Variants in DNAH5 observed in about 807,000 individuals in gnomAD.
DNAH5 encodes the protein dynein axonemal heavy chain 5.
Under a neutral mutation model 518.2 loss-of-function variants are expected in DNAH5, and 372 were observed. The ratio of observed to expected loss-of-function variants is 0.72; its 90% CI spans 0.66 to 0.78. The LOEUF (loss-of-function observed/expected upper bound fraction) is 0.78. Among genes scored for constraint, DNAH5 ranks in the 30% least tolerant of loss-of-function variants. The pLI is 0.00. For synonymous variants in DNAH5, 2,039 were observed against 2,025.9 expected, an observed-to-expected ratio of 1.01 and a Z score of -0.17; for missense variants, 5,523 against 5,687.0, an observed-to-expected ratio of 0.97 and a Z score of 0.93.
At chr5:13,995,573 A>G (rs900587566) in intron 1 of DNAH5, among the ~76,000 whole-genome samples, 3 of 152,214 alleles carry the variant, frequency 2.0e-5, no homozygotes, top group Non-Finnish European at 2.9e-5. Context: ...ACTTAGAAAC[A>G]AAAAATAAAA....
intron 21 of DNAH5, 80 bp from the exon 22 acceptor site, chr5:13,876,897 T>A: frequency 7.0e-7 from 1 of 1,431,424 alleles, no homozygotes; most frequent in Non-Finnish European, 9.7e-7. Flanking sequence ...ATTTCTGTGA[T>A]AGTAAAGCAA....
At chr5:13,844,505 G>A (rs949179882) in intron 32 of DNAH5, among the ~76,000 whole-genome samples, 4 of 152,162 alleles carry the variant, frequency 2.6e-5, no homozygotes, top group South Asian at 2.1e-4. Context: ...GGGCAATTCC[G>A]TTTAGTTAAG....
chr5:13,880,400 A>G (rs1185894792), intron 21 of DNAH5, among the ~76,000 whole-genome samples: 2 of 152,104 alleles, frequency 1.3e-5, no homozygotes, highest in Non-Finnish European at 2.9e-5. Flanking sequence ...CAAATCCAAA[A>G]CACTCTAATA....
rs1168094952 is a variant in DNAH5 at position 13,777,354 on chromosome 5, A to G, written c.8953T>C (p.Ser2985Pro). ...TCCATCAGATTTGATGTGTTGTAGGATCTAAAGAAATATTTTCATTTTGTC... is the reference window on the plus strand; with the variant it reads ...TCCATCAGATTTGATGTGTTGTAGGGTCTAAAGAAATATTTTCATTTTGTC... ...YVSFQITLTRSYNTSNLMEDL... is the reference protein window; with the variant it reads ...YVSFQITLTRPYNTSNLMEDL... The change falls in exon 54 of 79, where the codon TCC (serine) becomes CCC (proline). Residue 2985 changes from serine to proline, a missense_variant and splice_region_variant. Transcript: ENST00000265104. The G allele has an allele frequency of 5.0e-6, 8 of 1,612,708 alleles. No individual in the cohort carries two copies. Among genetic ancestry groups the G allele is most frequent in the Non-Finnish European group, 6.8e-6 (8 of 1,179,146 alleles).
At chr5:13,862,496 G>T in intron 29 of DNAH5, 52 bp downstream of exon 29, 1 of 1,538,600 alleles carries the variant, frequency 6.5e-7, no homozygotes, top group Non-Finnish European at 9.0e-7. Context: ...AATTTTAAAT[G>T]TTTGCTATTA....
rs753591698 is a variant in DNAH5 at position 13,754,251 on chromosome 5, A to G, written c.10507T>C (p.Trp3503Arg). Residue 3503 changes from tryptophan (W) to arginine (R), a missense_variant, in exon 62 of 79, where the codon TGG becomes CGG. Trp to Arg is a moderately radical substitution (Grantham distance 101, BLOSUM62 -3). Coordinates refer to ENST00000265104, the MANE Select transcript of DNAH5 (RefSeq NM_001369.3). Reference sequence around the variant, plus strand: ...GCAAACTCTTGGCTTTGCTCTGTCCATCTTTCTTTTTCACCTGCCAAGCCA... The same window carrying G: ...GCAAACTCTTGGCTTTGCTCTGTCCGTCTTTCTTTTTCACCTGCCAAGCCA... ...ISGLAGEKER[W>R]TEQSQEFAAQ... 6.2e-7 allele frequency: 1 copy of G among 1,614,060 alleles called. No individual in the cohort carries two copies. The highest frequency in any genetic ancestry group is 1.1e-5 in the South Asian group (1 of 91,082).
At position 13,923,360 on chromosome 5, in the gene DNAH5, C is replaced by A; in HGVS notation, c.358G>T (p.Asp120Tyr). ...ACACATACCCCAGTAAGAGCCACAT[C>A]GTTTCCCTCGGTCACGAACACCTTA... ...KPKVFVTEGN[D>Y]VALTGVCVFF... The change falls in exon 4 of 79, where the codon GAT (aspartate) becomes TAT (tyrosine). Residue 120 changes from aspartate (D) to tyrosine (Y), a missense_variant. Physicochemically the swap from Asp to Tyr is radical, Grantham distance 160. Around this residue, in one of 3 missense-constraint regions of DNAH5, gnomAD observed 5,121 missense variants for 5,223.3 expected, o/e 0.98. Transcript: ENST00000265104. 6.2e-7 allele frequency: 1 copy of A among 1,614,186 alleles called. No homozygotes were observed. Among genetic ancestry groups the A allele is most frequent in the African/African-American group, 1.3e-5 (1 of 75,050 alleles).
At position 13,745,019 on chromosome 5, in the gene DNAH5, T is replaced by G. The variant is rs569779602; in HGVS notation, c.11211+6059A>C. Among the ~76,000 whole-genome samples, 14 of 152,206 alleles carry G rather than the reference T, an allele frequency of 9.2e-5. No individual in the cohort carries two copies. The South Asian group carries it at 2.1e-3, about 23-fold the overall frequency. ...ACTTCCCATGTCAGTTTCACCAAGT[T>G]CAGGTACTTGCACCTCAAAAGGAAA... On this transcript the variant is annotated intron_variant, in intron 65 of 78. Coordinates refer to ENST00000265104, the MANE Select transcript of DNAH5 (RefSeq NM_001369.3).
At position 13,708,165 on chromosome 5, in the gene DNAH5, C is replaced by T; in HGVS notation, c.13296G>A (p.Leu4432=). The T allele has an allele frequency of 6.2e-7, 1 of 1,614,138 alleles. No individual in the cohort carries two copies. The highest frequency in any genetic ancestry group is 8.5e-7 in the Non-Finnish European group (1 of 1,180,000). The change falls in exon 76 of 79, where the codon TTG becomes TTA. Residue 4432 remains leucine, a synonymous_variant. Transcript: ENST00000265104. Reference sequence around the variant, plus strand: ...GGATTCTAGCATCAAACATGCAATCCAATGCATCTCGCAGATTTTCGCTCA... The same window carrying T: ...GGATTCTAGCATCAAACATGCAATCTAATGCATCTCGCAGATTTTCGCTCA... ...IIMSENLRDA[L]DCMFDARIPA... is the part of the protein sequence containing the mutation.
Position 13,737,268 on chromosome 5 carries a change from C to T in DNAH5, c.11439G>A (p.Arg3813=). Residue 3813 remains arginine, a synonymous_variant, in exon 66 of 79, where the codon CGG becomes CGA. Transcript: ENST00000265104. Reference sequence around the variant, plus strand: ...CAAACTCACCAGGTCTGTATTCCTCCCGGGCTGAGTTAATTTGAACTTCTG... The same window carrying T: ...CAAACTCACCAGGTCTGTATTCCTCTCGGGCTGAGTTAATTTGAACTTCTG... ...AETEVQINSA[R]EEYRPVATRG... The T allele has an allele frequency of 1.2e-6, 2 of 1,614,044 alleles. No individual in the cohort carries two copies. The highest frequency in any genetic ancestry group is 1.7e-6 in the Non-Finnish European group (2 of 1,179,956).
intron 52 of DNAH5, 69 bp from the exon 53 acceptor site, chr5:13,781,028 A>G: frequency 6.6e-7 from 1 of 1,517,808 alleles, no homozygotes; most frequent in Non-Finnish European, 9.1e-7. Context: ...TATTTATTCA[A>G]TATATGAATA....
intron 78 of DNAH5, among the ~76,000 whole-genome samples, chr5:13,697,079 C>A (rs747855641): frequency 4.6e-5 from 7 of 152,140 alleles, no homozygotes; most frequent in Non-Finnish European, 8.8e-5. Flanking sequence ...CAAGAAAAAA[C>A]AGGAACATGT....
intron 71 of DNAH5, 34 bp from the exon 72 acceptor site, chr5:13,719,135 T>G (rs758511964): frequency 2.0e-6 from 3 of 1,534,430 alleles, no homozygotes; most frequent in Non-Finnish European, 2.7e-6. Flanking sequence ...TTAGGTAGTT[T>G]TGTATTTCAC....
At chr5:13,974,162 G>A (rs1187565945) in intron 1 of DNAH5, among the ~76,000 whole-genome samples, 1 of 147,804 alleles carries the variant, frequency 6.8e-6, no homozygotes, top group Non-Finnish European at 1.5e-5. Flanking sequence ...TTTAGACAGG[G>A]CCTCACTCTG....
At position 13,856,671 on chromosome 5, in the gene DNAH5, A is replaced by G. The variant is rs145893528; in HGVS notation, c.4950+2781T>C. Reference sequence around the variant, plus strand: ...CACATTAAAAAGGTTATCCACCACAATCAAGTCAGCTTCATCCCTGGGATG... The same window carrying G: ...CACATTAAAAAGGTTATCCACCACAGTCAAGTCAGCTTCATCCCTGGGATG... On this transcript the variant is annotated intron_variant, in intron 30 of 78. Transcript: ENST00000265104. Among the ~76,000 whole-genome samples the G allele has an allele frequency of 3.6e-3, 550 of 152,332 alleles. 4 individuals are homozygous for G. The highest frequency in any genetic ancestry group is 0.013 in the African/African-American group (528 of 41,578).
chr5:13,703,194 C>A (rs1448338804), intron 76 of DNAH5, among the ~76,000 whole-genome samples: 1 of 152,170 alleles, frequency 6.6e-6, no homozygotes, highest in African/African-American at 2.4e-5. Context: ...TCACAGCCTT[C>A]TCCAAATGTA....
chr5:13,917,350 C>A (rs540075988), intron 7 of DNAH5, 94 bp from the exon 8 acceptor site: 1 of 873,178 alleles, frequency 1.1e-6, no homozygotes. Context: ...GTCCATTAGG[C>A]GAGACCTTCT....
At chr5:13,990,575 A>T (rs1014972297) in intron 1 of DNAH5, among the ~76,000 whole-genome samples, 8 of 147,684 alleles carry the variant, frequency 5.4e-5, no homozygotes, top group African/African-American at 1.8e-4. Context: ...GAAGTAAAAT[A>T]AAAAAATTGG....
chr5:13,801,576 G>A (rs1271491861), intron 47 of DNAH5, among the ~76,000 whole-genome samples: 1 of 152,060 alleles, frequency 6.6e-6, no homozygotes, highest in African/African-American at 2.4e-5. Context: ...TCTTGGTCCA[G>A]CCCAACCTCC....
Sources: allele counts gnomAD v4.1 joint callset (sites outside exome capture counted in the v4.1 genomes callset), GRCh38; gene constraint gnomAD v4.1.1; regional missense constraint gnomAD v4.1.1; transcripts MANE v1.5; gene names NCBI Gene and HGNC (gene_info 2026-07-23, HGNC 2026-07-21).